DCHS2: variants seen among roughly 807,000 people sequenced by gnomAD.
DCHS2 encodes the protein dachsous cadherin-related 2.
DCHS2 carries 142 observed loss-of-function variants against 182.4 expected under a neutral mutation model. The observed-to-expected ratio is 0.78, with a 90% CI of 0.68 to 0.89. The LOEUF (loss-of-function observed/expected upper bound fraction) is 0.89. Among genes scored for constraint, DCHS2 ranks in the 40% least tolerant of loss-of-function variants. DCHS2 has a pLI of 0.00. For missense variants in DCHS2, 4,319 were observed against 4,198.6 expected (o/e 1.03, Z -0.79); for synonymous variants, 1,740 against 1,663.3 (o/e 1.05, Z -1.12).
chr4:154,241,206 G>C (rs1731809501), intron 17 of DCHS2, among the ~76,000 whole-genome samples: 2 of 152,036 alleles, frequency 1.3e-5, no homozygotes, highest in South Asian at 4.1e-4. Flanking sequence ...GTATTACTCA[G>C]GACATTAATA....
At chr4:154,473,691 G>A (rs1034149352) in intron 1 of DCHS2, among the ~76,000 whole-genome samples, 1 of 152,118 alleles carries the variant, frequency 6.6e-6, no homozygotes, top group African/African-American at 2.4e-5. Flanking sequence ...CAGGAGAAGC[G>A]GAAGATGATG....
chr4:154,328,437 C>CA, intron 6 of DCHS2, among the ~76,000 whole-genome samples: 1 of 152,072 alleles, frequency 6.6e-6, no homozygotes, highest in South Asian at 2.1e-4. Flanking sequence ...TAATTCTGAC[C>CA]AAAAGAAAAA....
In DCHS2 at chr4:154,304,685, A is replaced by C. The variant is rs1240278904; in HGVS notation, c.5589T>G (p.Val1863=). The C allele has an allele frequency of 1.7e-5, 28 of 1,610,498 alleles. No individual in the cohort carries two copies. Among genetic ancestry groups the C allele is most frequent in the Non-Finnish European group, 2.4e-5 (28 of 1,178,374 alleles). ...CAAACTTACCAATTATGTGATATTCAACAGCTCTGTTATTGCCAGCATCCA... is the reference window on the plus strand; with the variant it reads ...CAAACTTACCAATTATGTGATATTCCACAGCTCTGTTATTGCCAGCATCCA... ...SDMDAGNNRA[V]EYHIIDGNTD... is the part of the protein sequence containing the mutation. The change falls in exon 12 of 20, where the codon GTT becomes GTG. Residue 1863 remains valine, a synonymous_variant. Transcript: ENST00000357232.
At position 154,273,642 on chromosome 4, in the gene DCHS2, T is replaced by C. The variant is rs189682872; in HGVS notation, c.6464-3629A>G. On this transcript the variant is annotated intron_variant, in intron 13 of 19. Transcript: ENST00000357232. ...TTTAAAAGAAACAAAAAAACAAATA[T>C]GTATACATAGAAAAAATATTATATA... Among the ~76,000 whole-genome samples the C allele has an allele frequency of 2.4e-3, 362 of 151,940 alleles. 1 individual carries two copies. Among genetic ancestry groups the C allele is most frequent in the Non-Finnish European group, 4.3e-3 (290 of 67,968 alleles).
At chr4:154,323,207 T>C (rs772556517) in intron 7 of DCHS2, 14 of 1,550,700 alleles carry the variant, frequency 9.0e-6, no homozygotes, top group Non-Finnish European at 9.6e-6. Flanking sequence ...TTTCCTTAAA[T>C]TGGGAGGCAG....
intron 13 of DCHS2, chr4:154,272,040 T>C (rs1733625063): frequency 6.6e-6 from 1 of 152,202 alleles, no homozygotes; most frequent in South Asian, 2.1e-4. Context: ...ACACAATACC[T>C]GATTTCTTTT....
rs1385415689 is a variant in DCHS2 at position 154,332,915 on chromosome 4, G to A, written c.3293C>T (p.Ser1098Leu). Residue 1098 changes from serine (S) to leucine (L), a missense_variant, in exon 5 of 20, where the codon TCA (serine) becomes TTA (leucine). Coordinates refer to ENST00000357232, the MANE Select transcript of DCHS2 (RefSeq NM_001358235.2). ...VYQVEVSESLSPMTQMLQTQA... is the reference protein window; with the variant it reads ...VYQVEVSESLLPMTQMLQTQA... ...TGTTTGCAGCATTTGTGTCATCGGT[G>A]AGAGAGACTCACTGACTTCCACTTG... is the stretch of plus-strand genomic sequence containing the variant. 1.2e-6 allele frequency: 2 copies of A among 1,614,246 alleles called. No homozygotes were observed. The highest frequency in any genetic ancestry group is 1.6e-4 in the Middle Eastern group (1 of 6,062).
intron 3 of DCHS2, among the ~76,000 whole-genome samples, chr4:154,349,001 G>C (rs1218550637): frequency 6.6e-6 from 1 of 151,980 alleles, no homozygotes; most frequent in African/African-American, 2.4e-5. Flanking sequence ...GTGAAATGGA[G>C]ATAAAACTAG....
chr4:154,488,073 G>T (rs888271072), intron 1 of DCHS2, among the ~76,000 whole-genome samples: 5 of 152,178 alleles, frequency 3.3e-5, no homozygotes, highest in Non-Finnish European at 5.9e-5. Flanking sequence ...AGCTACTTGG[G>T]AGACTGAGGT....
intron 7 of DCHS2, among the ~76,000 whole-genome samples, chr4:154,323,873 C>CAA (rs60287796): frequency 5.3e-4 from 78 of 147,106 alleles, no homozygotes; most frequent in East Asian, 2.2e-3. Context: ...AAAAACCCAC[C>CAA]AAAAAAAAAA....
chr4:154,351,650 CG>C (rs976967407), intron 3 of DCHS2, among the ~76,000 whole-genome samples: 1 of 152,032 alleles, frequency 6.6e-6, no homozygotes, highest in African/African-American at 2.4e-5. Context: ...ACAGGGCTGG[CG>C]GGGGAATGGT....
rs1280869517 is a variant in DCHS2 at position 154,297,980 on chromosome 4, C to T, written c.6334G>A (p.Val2112Ile). Residue 2112 changes from valine to isoleucine, a missense_variant, in exon 13 of 20, where the codon GTT (valine) becomes ATT (isoleucine). Val to Ile is a conservative substitution (Grantham distance 29). Coordinates refer to ENST00000357232, the MANE Select transcript of DCHS2 (RefSeq NM_001358235.2). Reference sequence around the variant, plus strand: ...CTGGCTGGAATGCCCTGGTCTGTAACTTTTAACTGCAGCCAGATAGGGAAG... The same window carrying T: ...CTGGCTGGAATGCCCTGGTCTGTAATTTTTAACTGCAGCCAGATAGGGAAG... ...EYFPIWLQLK[V>I]TDQGIPARTT... is the part of the protein sequence containing the mutation. The T allele has an allele frequency of 1.2e-6, 2 of 1,614,100 alleles. No individual in the cohort carries two copies. Among genetic ancestry groups the T allele is most frequent in the Admixed American group, 3.3e-5 (2 of 60,018 alleles).
Position 154,235,481 on chromosome 4 carries a change from G to A in DCHS2, c.9171C>T (p.Asp3057=), listed in dbSNP as rs759452619. The change falls in exon 20 of 20, where the codon GAC becomes GAT. Residue 3057 remains aspartate (D), a synonymous_variant. Coordinates refer to ENST00000357232, the MANE Select transcript of DCHS2 (RefSeq NM_001358235.2). ...CCACAGGGACCACCTCGTTACTGCA[G>A]TCGTCAGTTTTCTGGAAGGCTTTGA... is the stretch of plus-strand genomic sequence containing the variant. ...SVLKAFQKTD[D]CSNEVVPVDA... is the part of the protein sequence containing the mutation. The A allele has an allele frequency of 8.1e-6, 13 of 1,613,890 alleles. No individual in the cohort carries two copies. Among genetic ancestry groups the A allele is most frequent in the Non-Finnish European group, 1.1e-5 (13 of 1,179,938 alleles).
chr4:154,474,319 G>A (rs1735598749), intron 1 of DCHS2, among the ~76,000 whole-genome samples: 2 of 152,300 alleles, frequency 1.3e-5, no homozygotes, highest in Non-Finnish European at 2.9e-5. Flanking sequence ...ATGGCCCAGT[G>A]CCCTGCCCAG....
chr4:154,376,468 A>G lies in DCHS2; in HGVS notation c.2244+785T>C, dbSNP rs575854649. Among the ~76,000 whole-genome samples the G allele has an allele frequency of 2.0e-5, 3 of 152,172 alleles. No individual in the cohort carries two copies. In the East Asian group the frequency reaches 5.8e-4, roughly 29 times the overall value. On this transcript the variant is annotated intron_variant, in intron 2 of 19. Coordinates refer to ENST00000357232, the MANE Select transcript of DCHS2 (RefSeq NM_001358235.2). ...CAAGTTACTATTAAAAAAAACTGGT[A>G]AAATAAAAACAAATAATCAAGCCTT...
chr4:154,491,675 C>G lies in DCHS2; in HGVS notation c.-320G>C. 8.5e-7 allele frequency: 1 copy of G among 1,173,826 alleles called. No individual in the cohort carries two copies. The highest frequency in any genetic ancestry group is 1.6e-5 in the African/African-American group (1 of 62,962). 72.7% of individuals were successfully genotyped at this position (1,173,826 alleles called of 1,614,324 possible). On this transcript the variant is annotated 5_prime_UTR_variant, in exon 1 of 20. Coordinates refer to ENST00000357232, the MANE Select transcript of DCHS2 (RefSeq NM_001358235.2). ...CCCTTTACATCTGTTCCTTGTTCTACTCGGCTGGTTGTTCCCCCCTGGTAA... is the reference window on the plus strand; with the variant it reads ...CCCTTTACATCTGTTCCTTGTTCTAGTCGGCTGGTTGTTCCCCCCTGGTAA...
chr4:154,444,891 C>A (rs980327821), intron 1 of DCHS2, among the ~76,000 whole-genome samples: 1 of 152,186 alleles, frequency 6.6e-6, no homozygotes, highest in African/African-American at 2.4e-5. Flanking sequence ...TGGAGTTCTG[C>A]AAACCCAGCC....
chr4:154,306,687 A>G (rs1425918730), intron 10 of DCHS2, among the ~76,000 whole-genome samples: 1 of 152,124 alleles, frequency 6.6e-6, no homozygotes, highest in Admixed American at 6.5e-5. Flanking sequence ...TTTGTTACAC[A>G]TTATATATAC....
chr4:154,490,685 C>T lies in DCHS2; in HGVS notation c.671G>A (p.Arg224His), dbSNP rs1347830999. 1 of 1,551,572 alleles carries T rather than the reference C, an allele frequency of 6.4e-7. No homozygotes were observed. The highest frequency in any genetic ancestry group is 8.7e-7 in the Non-Finnish European group (1 of 1,146,910). ...CGGTAGTGGCCCCGGAGTCCGGTAG[C>T]GCAACTGGAAGAACGGGCCTGCGGG... ...KDPAGPFFQL[R>H]YRTPGPLPSP... is the part of the protein sequence containing the mutation. Residue 224 changes from arginine (R) to histidine (H), a missense_variant, in exon 1 of 20, where the codon CGC becomes CAC. Physicochemically the swap from Arg to His is conservative, Grantham distance 29. Coordinates refer to ENST00000357232, the MANE Select transcript of DCHS2 (RefSeq NM_001358235.2).
Sources: allele counts gnomAD v4.1 joint callset (sites outside exome capture counted in the v4.1 genomes callset), GRCh38; gene constraint gnomAD v4.1.1; transcripts MANE v1.5; gene names NCBI Gene and HGNC (gene_info 2026-07-23, HGNC 2026-07-21).